The following TDRD9 variants were observed in gnomAD, a reference collection of about 807,000 sequenced individuals.
The protein encoded by TDRD9 is ATP-dependent RNA helicase TDRD9.
Under a neutral mutation model 172.6 loss-of-function variants are expected in TDRD9, and 124 were observed. The observed-to-expected ratio is 0.72, with a 90% CI of 0.62 to 0.83. The LOEUF is 0.83. Among genes scored for constraint, TDRD9 ranks in the 40% least tolerant of loss-of-function variants. The pLI, the probability that TDRD9 is intolerant of heterozygous loss-of-function variation, is 0.00. For synonymous variants in TDRD9, 619 were observed against 617.1 expected (o/e 1.00, Z -0.05); for missense variants, 1,479 against 1,714.1 (o/e 0.86, Z 2.42).
chr14:104,031,502 T>A (rs2035282111), intron 29 of TDRD9, among the ~76,000 whole-genome samples: 2 of 136,346 alleles, frequency 1.5e-5, no homozygotes, highest in African/African-American at 5.2e-5. Flanking sequence ...TAAACCCTCC[T>A]GACGTGTGCT....
At chr14:103,978,658 AT>A (rs1234678198) in intron 7 of TDRD9, among the ~76,000 whole-genome samples, 8 of 152,092 alleles carry the variant, frequency 5.3e-5, no homozygotes, top group Non-Finnish European at 1.0e-4. Context: ...TGTTTTTCTC[AT>A]GGTTAAACTG....
At chr14:104,049,520 A>G (rs752847000) in intron 34 of TDRD9, 88 bp from the exon 35 acceptor site, 7 of 1,020,632 alleles carry the variant, frequency 6.9e-6, no homozygotes, top group Non-Finnish European at 7.2e-6. Context: ...TGTGGGAAGC[A>G]TATAGGATTT....
intron 1 of TDRD9, among the ~76,000 whole-genome samples, chr14:103,936,088 A>T (rs1407656874): frequency 6.6e-6 from 1 of 151,948 alleles, no homozygotes; most frequent in Non-Finnish European, 1.5e-5. Flanking sequence ...TACTGGTGAT[A>T]ATTATTATTT....
At chr14:103,948,915 A>C (rs1045212893) in intron 1 of TDRD9, among the ~76,000 whole-genome samples, 3 of 149,218 alleles carry the variant, frequency 2.0e-5, no homozygotes, top group African/African-American at 7.4e-5. Context: ...AAATCCTTGA[A>C]AGGACAAATA....
intron 20 of TDRD9, 76 bp downstream of exon 20, chr14:104,008,542 T>C: frequency 1.0e-6 from 1 of 998,708 alleles, no homozygotes; most frequent in Non-Finnish European, 1.6e-6. Context: ...CAACAATATT[T>C]ATTAAGTACG....
intron 24 of TDRD9, among the ~76,000 whole-genome samples, chr14:104,022,665 TACAGTCA>T (rs2034995228): frequency 6.6e-6 from 1 of 151,896 alleles, no homozygotes; most frequent in Admixed American, 6.6e-5. Context: ...AGGCGGAGGT[TACAGTCA>T]GCCGAGATTG....
rs568395961 is a variant in TDRD9, at chr14:103,997,942, A to G, written c.1379-682A>G. 4.3e-4 allele frequency among the ~76,000 whole-genome samples: 65 copies of G among 151,646 alleles called. No homozygotes were observed. Among genetic ancestry groups the G allele is most frequent in the Non-Finnish European group, 8.5e-4 (58 of 67,856 alleles). On this transcript the variant is annotated intron_variant, in intron 12 of 35. Coordinates refer to ENST00000409874, the MANE Select transcript of TDRD9 (RefSeq NM_153046.3). This position sits in a 1 kb window ranked among gnomAD's most constrained non-coding sequence, Gnocchi z 5.1. ...CAAAGAACCGGTGGCGGCACACAACACTCCACAGGTGCTTTGCTGTAGGGG... is the reference window on the plus strand; with the variant it reads ...CAAAGAACCGGTGGCGGCACACAACGCTCCACAGGTGCTTTGCTGTAGGGG...
intron 19 of TDRD9, 36 bp from the exon 20 acceptor site, chr14:104,008,377 C>A: frequency 1.7e-6 from 2 of 1,195,520 alleles, no homozygotes; most frequent in South Asian, 1.3e-5. Flanking sequence ...AATTTATTAC[C>A]TTAATATTGA....
At chr14:103,978,999 A>G (rs781267198) in intron 7 of TDRD9, among the ~76,000 whole-genome samples, 4 of 152,154 alleles carry the variant, frequency 2.6e-5, no homozygotes, top group Non-Finnish European at 4.4e-5. Flanking sequence ...TCCTCCTCCT[A>G]TCTGGCTGTC....
intron 2 of TDRD9, among the ~76,000 whole-genome samples, chr14:103,958,585 A>C (rs1215309662): frequency 2.0e-5 from 3 of 152,186 alleles, no homozygotes; most frequent in Admixed American, 1.3e-4. Context: ...TCCTAGAGGG[A>C]AGCAGGAAGA....
chr14:103,990,350 C>T, intron 8 of TDRD9, among the ~76,000 whole-genome samples: 1 of 152,322 alleles, frequency 6.6e-6, no homozygotes, highest in East Asian at 1.9e-4. Flanking sequence ...GACTGGTTTA[C>T]CCCTCACACC....
At chr14:103,963,342 T>C (rs1011044168) in intron 3 of TDRD9, among the ~76,000 whole-genome samples, 166 bp downstream of exon 3, 1 of 152,246 alleles carries the variant, frequency 6.6e-6, no homozygotes, top group Non-Finnish European at 1.5e-5. Flanking sequence ...AACCTGCAGA[T>C]GATTTTGTGT....
At chr14:104,051,143 T>C (rs1387852309) in intron 35 of TDRD9, among the ~76,000 whole-genome samples, 3 of 152,182 alleles carry the variant, frequency 2.0e-5, no homozygotes, top group Non-Finnish European at 4.4e-5. Context: ...GTCCCCGGTG[T>C]TTCTTGTTCC....
At chr14:104,039,500 A>G (rs185773326) in intron 32 of TDRD9, among the ~76,000 whole-genome samples, 1 of 152,170 alleles carries the variant, frequency 6.6e-6, no homozygotes, top group Non-Finnish European at 1.5e-5. Context: ...GTAACATTGT[A>G]TTTGTTTTGA....
At chr14:103,964,486 C>CAGCT (rs2032647005) in intron 3 of TDRD9, among the ~76,000 whole-genome samples, 1 of 152,140 alleles carries the variant, frequency 6.6e-6, no homozygotes, top group Admixed American at 6.5e-5. Flanking sequence ...GGTTTTTCCA[C>CAGCT]AGCTATCACT....
At chr14:103,948,181 T>A (rs532349947) in intron 1 of TDRD9, among the ~76,000 whole-genome samples, 8 of 152,072 alleles carry the variant, frequency 5.3e-5, no homozygotes, top group South Asian at 2.1e-4. Flanking sequence ...GCCTGCTATT[T>A]TTTTTTTTTA....
intron 1 of TDRD9, among the ~76,000 whole-genome samples, chr14:103,940,184 T>C (rs890049814): frequency 6.6e-5 from 10 of 152,186 alleles, no homozygotes; most frequent in Admixed American, 1.3e-4. Context: ...TAGCAGCTAC[T>C]CATGTTGCTA....
chr14:103,975,253 A>T, intron 6 of TDRD9, 136 bp from the exon 7 acceptor site: 1 of 663,298 alleles, frequency 1.5e-6, no homozygotes, highest in Non-Finnish European at 2.4e-6. Flanking sequence ...ACTAGAGATT[A>T]AATCAGGGTG....
intron 1 of TDRD9, 157 bp downstream of exon 1, chr14:103,928,881 A>C: frequency 1.9e-5 from 4 of 213,390 alleles, no homozygotes; most frequent in Non-Finnish European, 3.7e-5. Flanking sequence ...ACACAACCCG[A>C]CGCGCGGCCC....
Sources: allele counts gnomAD v4.1 joint callset (sites outside exome capture counted in the v4.1 genomes callset), GRCh38; gene constraint gnomAD v4.1.1; non-coding constraint Gnocchi (gnomAD v3.1); transcripts MANE v1.5; gene names NCBI Gene and HGNC (gene_info 2026-07-23, HGNC 2026-07-21).